Variants in FSTL5 observed in about 807,000 individuals in gnomAD.
The protein encoded by FSTL5 is follistatin like 5, also known as follistatin-related protein 5.
In FSTL5, 62 loss-of-function variants were observed where a neutral mutation model predicts 89.1. The ratio of observed to expected loss-of-function variants is 0.70; its 90% CI spans 0.57 to 0.86. The LOEUF is 0.86. Ranked by LOEUF, FSTL5 falls within the 40% of genes least tolerant of loss-of-function variation. The pLI, the probability that FSTL5 is intolerant of heterozygous loss-of-function variation, is 0.00. For missense variants in FSTL5, 1,057 were observed against 1,001.6 expected (o/e 1.06, Z -0.75); for synonymous variants, 383 against 346.2 (o/e 1.11, Z -1.18).
rs545087700 is a variant in FSTL5, at chr4:161,711,891, C to T, written c.727+47520G>A. On this transcript the variant is annotated intron_variant, in intron 6 of 15. Transcript: ENST00000306100. ...AAAAATAAAAGTACACGACTATCTC[C>T]GTAGATGCCAAATAAGCATCTGTCA... 6.6e-5 allele frequency among the ~76,000 whole-genome samples: 10 copies of T among 152,152 alleles called. No individual in the cohort carries two copies. The Middle Eastern group carries it at 0.014, about 207-fold the overall frequency.
At chr4:162,153,751 C>A (rs866963910) in intron 1 of FSTL5, among the ~76,000 whole-genome samples, 2 of 128,766 alleles carry the variant, frequency 1.6e-5, no homozygotes, top group East Asian at 2.2e-4. Flanking sequence ...TAATAATATA[C>A]ATGTATATAT....
At chr4:161,565,686 T>C (rs540974738) in intron 8 of FSTL5, among the ~76,000 whole-genome samples, 1 of 151,102 alleles carries the variant, frequency 6.6e-6, no homozygotes, top group East Asian at 2.0e-4. Context: ...TAACCTATTC[T>C]GTTATAAGAT....
intron 6 of FSTL5, among the ~76,000 whole-genome samples, chr4:161,727,978 G>T (rs368161962): frequency 6.6e-6 from 1 of 152,072 alleles, no homozygotes; most frequent in East Asian, 1.9e-4. Flanking sequence ...GCTAGACTCT[G>T]TCTCAAACAA....
chr4:161,826,127 C>T (rs1730659064), intron 4 of FSTL5, among the ~76,000 whole-genome samples: 1 of 152,092 alleles, frequency 6.6e-6, no homozygotes, highest in East Asian at 1.9e-4. Context: ...ATCTTGATTT[C>T]ATTATTGACA....
At position 161,587,456 on chromosome 4, in the gene FSTL5, A is replaced by G. The variant is rs201478817; in HGVS notation, c.1014T>C (p.Asn338=). ...QVYQTHIFQV[N]VPPVIRVYPE... ...AGGGTAACAAAAATCACTTCTTACCATTCACTTGGAAGATGTGAGTCTGAT... is the reference window on the plus strand; with the variant it reads ...AGGGTAACAAAAATCACTTCTTACCGTTCACTTGGAAGATGTGAGTCTGAT... The change falls in exon 8 of 16, where the codon AAT becomes AAC. Residue 338 remains asparagine, a splice_region_variant and synonymous_variant. Transcript: ENST00000306100. The G allele has an allele frequency of 9.3e-6, 15 of 1,613,254 alleles. No individual in the cohort carries two copies. The South Asian group carries it at 1.1e-4, about 12-fold the overall frequency.
At chr4:161,697,550 TC>T (rs1294801626) in intron 6 of FSTL5, among the ~76,000 whole-genome samples, 1 of 152,168 alleles carries the variant, frequency 6.6e-6, no homozygotes, top group Non-Finnish European at 1.5e-5. Flanking sequence ...ATGTCTGCAT[TC>T]CCATGTTTAT....
chr4:161,966,631 G>T (rs1449055607), intron 3 of FSTL5, among the ~76,000 whole-genome samples: 1 of 152,028 alleles, frequency 6.6e-6, no homozygotes, highest in Non-Finnish European at 1.5e-5. Context: ...ATCCTGATGT[G>T]AAGACACAGA....
At chr4:162,051,907 G>T (rs1413900501) in intron 2 of FSTL5, among the ~76,000 whole-genome samples, 1 of 151,366 alleles carries the variant, frequency 6.6e-6, no homozygotes, top group East Asian at 1.9e-4. Context: ...TGGTGTAAGA[G>T]GTTGCAAGAT....
intron 4 of FSTL5, among the ~76,000 whole-genome samples, chr4:161,898,290 A>G (rs1733235169): frequency 6.6e-6 from 1 of 151,546 alleles, no homozygotes; most frequent in African/African-American, 2.4e-5. Context: ...TTACCCATTC[A>G]CCTATGGAAA....
intron 7 of FSTL5, among the ~76,000 whole-genome samples, chr4:161,636,575 T>A (rs1219451662): frequency 6.7e-6 from 1 of 149,842 alleles, no homozygotes; most frequent in Non-Finnish European, 1.5e-5. Context: ...ACTCGTCATC[T>A]AGCATTAGGT....
intron 3 of FSTL5, among the ~76,000 whole-genome samples, chr4:161,960,869 G>T (rs1735156316): frequency 6.6e-6 from 1 of 151,842 alleles, no homozygotes; most frequent in Non-Finnish European, 1.5e-5. Flanking sequence ...AAACTAACAA[G>T]TCAGGATTTA....
At chr4:162,030,744 T>C (rs1019138381) in intron 3 of FSTL5, among the ~76,000 whole-genome samples, 2 of 152,298 alleles carry the variant, frequency 1.3e-5, no homozygotes, top group Non-Finnish European at 2.9e-5. Flanking sequence ...CTTTATTAAG[T>C]TGGCAGACTC....
intron 4 of FSTL5, among the ~76,000 whole-genome samples, chr4:161,831,591 A>G (rs980198452): frequency 6.6e-6 from 1 of 151,968 alleles, no homozygotes; most frequent in Non-Finnish European, 1.5e-5. Flanking sequence ...AAAGTGTTAC[A>G]TTATATGTAT....
rs529879733 is a variant in FSTL5, at chr4:161,618,184, A to G, written c.895-30609T>C. On this transcript the variant is annotated intron_variant, in intron 7 of 15. Coordinates refer to ENST00000306100, the MANE Select transcript of FSTL5 (RefSeq NM_020116.5). Reference sequence around the variant, plus strand: ...TTGTACATTGATTTTGTATCCTGAGACTTTGCTGAAGTTGCTTATCAGCTT... The same window carrying G: ...TTGTACATTGATTTTGTATCCTGAGGCTTTGCTGAAGTTGCTTATCAGCTT... Among the ~76,000 whole-genome samples, 562 of 138,766 alleles carry G rather than the reference A, an allele frequency of 4.0e-3. 4 individuals carry two copies. The highest frequency in any genetic ancestry group is 0.014 in the Middle Eastern group (4 of 288). 91.0% of individuals were successfully genotyped at this position (138,766 alleles called of 152,430 possible).
At chr4:161,506,145 C>T (rs950408790) in intron 11 of FSTL5, among the ~76,000 whole-genome samples, 1 of 139,142 alleles carries the variant, frequency 7.2e-6, no homozygotes, top group East Asian at 2.1e-4. Flanking sequence ...GGAGCGATCA[C>T]TGCAGTCTTG....
rs60808579 is a variant in FSTL5 at position 161,992,847 on chromosome 4, C to CA, written c.160+40777dup. Among the ~76,000 whole-genome samples, 63 of 22,872 alleles carry CA rather than the reference C, an allele frequency of 2.8e-3. 1 individual carries two copies. Among genetic ancestry groups the CA allele is most frequent in the African/African-American group, 9.6e-3 (55 of 5,722 alleles). The allele number at this position is 22,872 out of a possible 152,430, so 15.0% of individuals were successfully genotyped here. On this transcript the variant is annotated intron_variant, in intron 3 of 15. Coordinates refer to ENST00000306100, the MANE Select transcript of FSTL5 (RefSeq NM_020116.5). ...GGGCAACAAGAGTGAAACTCCATCTCAAAAAAAAAAAAAAATATATATATA... is the reference window on the plus strand; with the variant it reads ...GGGCAACAAGAGTGAAACTCCATCTCAAAAAAAAAAAAAAAATATATATATA...
chr4:161,576,259 G>T (rs1733204911), intron 8 of FSTL5, among the ~76,000 whole-genome samples: 1 of 152,098 alleles, frequency 6.6e-6, no homozygotes, highest in African/African-American at 2.4e-5. Flanking sequence ...GTAATTGATA[G>T]ATTCAATGCT....
intron 2 of FSTL5, among the ~76,000 whole-genome samples, chr4:162,065,102 C>A (rs555097648): frequency 1.3e-5 from 2 of 151,876 alleles, no homozygotes; most frequent in African/African-American, 4.8e-5. Context: ...CAAAAATTAA[C>A]TTAACATGGA....
intron 7 of FSTL5, among the ~76,000 whole-genome samples, chr4:161,633,160 T>C (rs1412601124): frequency 6.6e-6 from 1 of 151,826 alleles, no homozygotes; most frequent in African/African-American, 2.4e-5. Flanking sequence ...AGTTGCTAAA[T>C]TTATTAAAAT....
Sources: gnomAD v4.1 joint callset for allele counts (sites outside exome capture counted in the v4.1 genomes callset) on GRCh38, gnomAD v4.1.1 for gene constraint, MANE v1.5 for transcripts, NCBI Gene and HGNC (gene_info 2026-07-23, HGNC 2026-07-21) for gene names.